The following SLC16A9 variants were observed in gnomAD, a reference collection of about 807,000 sequenced individuals.
The protein encoded by SLC16A9 is monocarboxylate transporter 9.
Under a neutral mutation model 44.3 loss-of-function variants are expected in SLC16A9, and 26 were observed. That is an observed-to-expected ratio of 0.59 (90% CI 0.43 to 0.81). The LOEUF is 0.81. Ranked by LOEUF, SLC16A9 falls within the 40% of genes least tolerant of loss-of-function variation. The pLI, the probability that SLC16A9 is intolerant of heterozygous loss-of-function variation, is 0.00. For synonymous variants in SLC16A9, 230 were observed against 225.1 expected (o/e 1.02, Z -0.19); for missense variants, 559 against 595.8 (o/e 0.94, Z 0.64).
At chr10:59,665,231 T>G (rs1049050964) in intron 3 of SLC16A9, among the ~76,000 whole-genome samples, 22 of 152,224 alleles carry the variant, frequency 1.4e-4, no homozygotes, top group African/African-American at 4.3e-4. Flanking sequence ...CTTTATGCTT[T>G]TCTTCCACAA....
At chr10:59,697,101 G>A (rs61863100) in intron 1 of SLC16A9, among the ~76,000 whole-genome samples, 9,338 of 92,584 alleles carry the variant, frequency 0.1, 2,290 homozygotes, top group East Asian at 0.49. Context: ...CTGTCCGGGA[G>A]GGAGGTGGGG....
chr10:59,680,983 A>AAATAATAATAATAATAATAAT (rs67119717), intron 2 of SLC16A9, among the ~76,000 whole-genome samples: 64 of 148,038 alleles, frequency 4.3e-4, no homozygotes, highest in African/African-American at 7.5e-4. Flanking sequence ...ACCCAATCTC[A>AAATAATAATAATAATAATAAT]AATAATAATA....
intron 3 of SLC16A9, among the ~76,000 whole-genome samples, chr10:59,669,728 T>C (rs1839701513): frequency 6.6e-6 from 1 of 151,890 alleles, no homozygotes; most frequent in Admixed American, 6.6e-5. Flanking sequence ...CCCAGCTTAC[T>C]CGGGAGGCTG....
intron 3 of SLC16A9, among the ~76,000 whole-genome samples, chr10:59,669,249 C>T (rs371916929): frequency 2.6e-5 from 4 of 152,158 alleles, no homozygotes; most frequent in Non-Finnish European, 5.9e-5. Context: ...CCTGCACCAC[C>T]ACCTCCTACC....
intron 2 of SLC16A9, among the ~76,000 whole-genome samples, chr10:59,678,546 C>CTTTTTTTTTTTTT (rs751112027): frequency 0.011 from 330 of 30,600 alleles, 74 homozygotes; most frequent in African/African-American, 0.027. Context: ...TTTTCTTTTT[C>CTTTTTTTTTTTTT]TTTTTTTTGA....
intron 1 of SLC16A9, among the ~76,000 whole-genome samples, chr10:59,688,974 C>T (rs1374936513): frequency 6.6e-6 from 1 of 152,050 alleles, no homozygotes; most frequent in Non-Finnish European, 1.5e-5. Context: ...CCCTCCCTTG[C>T]ATTGCCATGC....
intron 2 of SLC16A9, among the ~76,000 whole-genome samples, chr10:59,674,763 A>G (rs145292190): frequency 6.6e-6 from 1 of 152,244 alleles, no homozygotes; most frequent in African/African-American, 2.4e-5. Context: ...TATTCCTGGC[A>G]TACTTGAAAA....
intron 3 of SLC16A9, among the ~76,000 whole-genome samples, chr10:59,665,475 C>G (rs1839588662): frequency 6.6e-6 from 1 of 152,144 alleles, no homozygotes; most frequent in South Asian, 2.1e-4. Flanking sequence ...CACACAGAGT[C>G]TTATTAATGA....
chr10:59,668,889 T>G (rs993486517), intron 3 of SLC16A9, among the ~76,000 whole-genome samples: 4 of 152,202 alleles, frequency 2.6e-5, no homozygotes, highest in Non-Finnish European at 4.4e-5. Context: ...GGGGGGCTTA[T>G]AAATCTCTAT....
chr10:59,696,301 TC>T (rs1840372647), intron 1 of SLC16A9, among the ~76,000 whole-genome samples: 1 of 152,240 alleles, frequency 6.6e-6, no homozygotes, highest in African/African-American at 2.4e-5. Flanking sequence ...AGAGGGGGTT[TC>T]GCTGTGTTGG....
intron 2 of SLC16A9, among the ~76,000 whole-genome samples, chr10:59,678,769 TC>T (rs1839921361): frequency 1.3e-5 from 2 of 148,964 alleles, no homozygotes; most frequent in Admixed American, 1.3e-4. Context: ...GGTCTCGATC[TC>T]CTGACCTCAT....
In SLC16A9 at chr10:59,650,831, A is replaced by G. The variant is rs1314710429; in HGVS notation, c.*1941T>C. On this transcript the variant is annotated 3_prime_UTR_variant, in exon 6 of 6. Coordinates refer to ENST00000395348, the MANE Select transcript of SLC16A9 (RefSeq NM_194298.3). ...CCCCTAGACAACAGATAACGCCCAC[A>G]TTGGATGTTATTTAGCAGACATAGT... is the stretch of plus-strand genomic sequence containing the variant. 1 of 152,210 alleles carries G rather than the reference A, an allele frequency of 6.6e-6. No individual in the cohort carries two copies. Among genetic ancestry groups the G allele is most frequent in the Non-Finnish European group, 1.5e-5 (1 of 68,036 alleles). 9.4% of individuals were successfully genotyped at this position (152,210 alleles called of 1,614,324 possible).
Position 59,664,307 on chromosome 10 carries a change from A to T in SLC16A9, c.356T>A (p.Leu119Ter). ...YGIVVGLGCG[L>*]LYTATVTITC... is the part of the protein sequence containing the mutation. ...AATGGTCACTGTTGCAGTGTATAAT[A>T]AACCACATCCAAGACCTAAGCATGA... The change falls in exon 4 of 6, where the codon TTA (leucine) becomes TAA (stop). Residue 119 changes from leucine (L) to a stop codon, truncating the protein, a stop_gained. Coordinates refer to ENST00000395348, the MANE Select transcript of SLC16A9 (RefSeq NM_194298.3). LOFTEE classifies it high-confidence loss of function. 6.2e-7 allele frequency: 1 copy of T among 1,610,390 alleles called. No homozygotes were observed. Among genetic ancestry groups the T allele is most frequent in the Non-Finnish European group, 8.5e-7 (1 of 1,177,866 alleles).
At position 59,663,021 on chromosome 10, in the gene SLC16A9, G is replaced by T. The variant is rs148598138; in HGVS notation, c.436+1206C>A. 5.3e-5 allele frequency among the ~76,000 whole-genome samples: 8 copies of T among 152,232 alleles called. No individual in the cohort carries two copies. In the East Asian group the frequency reaches 1.5e-3, roughly 29 times the overall value. ...CACTATTCACAATAGCAAAGACTTG[G>T]AACCAACCCAAACGTCCATCAATGT... On this transcript the variant is annotated intron_variant, in intron 4 of 5. Transcript: ENST00000395348.
intron 4 of SLC16A9, among the ~76,000 whole-genome samples, chr10:59,660,852 T>C (rs572432170): frequency 5.9e-5 from 9 of 152,248 alleles, no homozygotes; most frequent in African/African-American, 2.2e-4. Flanking sequence ...GTTCAACATA[T>C]GCAAATCAAT....
At chr10:59,676,299 G>C (rs1839856372) in intron 2 of SLC16A9, among the ~76,000 whole-genome samples, 1 of 152,158 alleles carries the variant, frequency 6.6e-6, no homozygotes, top group Admixed American at 6.5e-5. Flanking sequence ...ATGTATCAAA[G>C]TGACCATCAA....
chr10:59,679,413 C>A (rs1412658701), intron 2 of SLC16A9, among the ~76,000 whole-genome samples: 1 of 152,174 alleles, frequency 6.6e-6, no homozygotes, highest in African/African-American at 2.4e-5. Context: ...CCATACTAGG[C>A]AGCCAGACAA....
chr10:59,696,188 C>G (rs1280783175), intron 1 of SLC16A9, among the ~76,000 whole-genome samples: 2 of 152,200 alleles, frequency 1.3e-5, no homozygotes, highest in African/African-American at 4.8e-5. Flanking sequence ...CATCTTGGCT[C>G]ACTGCAACCT....
chr10:59,709,089 C>A (rs1444055293), intron 1 of SLC16A9, among the ~76,000 whole-genome samples: 1 of 152,168 alleles, frequency 6.6e-6, no homozygotes, highest in East Asian at 1.9e-4. Context: ...GAAATGGAGG[C>A]CCACCTGCAT....
Sources: gnomAD v4.1 joint callset for allele counts (sites outside exome capture counted in the v4.1 genomes callset) on GRCh38, gnomAD v4.1.1 for gene constraint, MANE v1.5 for transcripts, NCBI Gene and HGNC (gene_info 2026-07-23, HGNC 2026-07-21) for gene names.